GPNMB: variants seen among roughly 807,000 people sequenced by gnomAD.
The protein encoded by GPNMB is glycoprotein nmb.
A neutral mutation model predicts 57.3 loss-of-function variants in GPNMB; 71 were observed. The observed-to-expected ratio is 1.24, with a 90% CI of 1.02 to 1.51. GPNMB has a LOEUF of 1.51. GPNMB is among the 40% of genes most tolerant of loss of function. GPNMB has a pLI of 0.00. For missense variants in GPNMB, 677 were observed against 691.9 expected (o/e 0.98, Z 0.24); for synonymous variants, 253 against 263.2 (o/e 0.96, Z 0.38).
chr7:23,268,819 G>A (rs1044152632), intron 8 of GPNMB, among the ~76,000 whole-genome samples: 3 of 152,118 alleles, frequency 2.0e-5, no homozygotes, highest in Admixed American at 1.3e-4. Context: ...AAGCTGCTGC[G>A]AGAGGCCTGG....
chr7:23,273,260 G>A, intron 9 of GPNMB: 1 of 387,874 alleles, frequency 2.6e-6, no homozygotes, highest in South Asian at 4.2e-5. Context: ...GGTCACCCAA[G>A]ACCTGAGCAG....
At chr7:23,252,416 AT>A (rs1029427691) in intron 1 of GPNMB, among the ~76,000 whole-genome samples, 2 of 152,250 alleles carry the variant, frequency 1.3e-5, no homozygotes, top group African/African-American at 4.8e-5. Flanking sequence ...CAATCTGAAC[AT>A]TTTTTAAAGT....
intron 1 of GPNMB, 170 bp downstream of exon 1, chr7:23,247,097 A>G (rs1782549037): frequency 1.6e-6 from 1 of 631,552 alleles, no homozygotes; most frequent in Admixed American, 2.4e-5. Context: ...AAACTACAGC[A>G]AAATGCCTCC....
At chr7:23,264,654 G>A (rs1030046712) in intron 6 of GPNMB, among the ~76,000 whole-genome samples, 2 of 152,168 alleles carry the variant, frequency 1.3e-5, no homozygotes, top group African/African-American at 4.8e-5. Flanking sequence ...TGGGATTACA[G>A]GTGTGAGCCA....
intron 7 of GPNMB, 124 bp from the exon 8 acceptor site, chr7:23,267,762 T>C: frequency 1.4e-6 from 1 of 731,774 alleles, no homozygotes; most frequent in South Asian, 1.6e-5. Flanking sequence ...GCTATCACCT[T>C]GGGGGTTTCA....
At chr7:23,269,435 A>G (rs1425555477) in intron 8 of GPNMB, among the ~76,000 whole-genome samples, 3 of 152,216 alleles carry the variant, frequency 2.0e-5, no homozygotes, top group Admixed American at 6.5e-5. Context: ...AAGCAAGATC[A>G]TGTCATATAT....
Position 23,246,890 on chromosome 7 carries a change from G to A in GPNMB, c.33G>A (p.Leu11=), listed in dbSNP as rs115100573. The part of the protein sequence containing the change: MECLYYFLGF[L]LLAARLPLDA... Reference sequence around the variant, plus strand: ...GTCTCTACTATTTCCTGGGATTTCTGCTCCTGGCTGCAAGATTGCCACTTG... The same window carrying A: ...GTCTCTACTATTTCCTGGGATTTCTACTCCTGGCTGCAAGATTGCCACTTG... Residue 11 remains leucine, a synonymous_variant, in exon 1 of 11, where the codon CTG becomes CTA. Coordinates refer to ENST00000258733, the MANE Select transcript of GPNMB (RefSeq NM_002510.3). 1,065 of 1,613,964 alleles carry A rather than the reference G, an allele frequency of 6.6e-4. 6 individuals carry two copies. In the African/African-American group the frequency reaches 0.012, roughly 18 times the overall value.
Position 23,257,065 on chromosome 7 carries a change from G to C in GPNMB, c.541G>C (p.Gly181Arg), listed in dbSNP as rs949573834. Residue 181 changes from glycine to arginine, a missense_variant and splice_region_variant, in exon 4 of 11, where the codon GGT becomes CGT. Transcript: ENST00000258733. Reference protein sequence around the residue: ...WNFIYVFHTLGQYFQKLGRCS... With the variant: ...WNFIYVFHTLRQYFQKLGRCS... ...TTTCATCTACGTCTTCCACACACTT[G>C]GTTGGCTTTTACAAACCCCTAAGCT... The C allele has an allele frequency of 1.2e-6, 2 of 1,613,776 alleles. No individual in the cohort carries two copies. The highest frequency in any genetic ancestry group is 1.7e-6 in the Non-Finnish European group (2 of 1,179,660).
At position 23,260,508 on chromosome 7, in the gene GPNMB, C is replaced by T. The variant is rs150305129; in HGVS notation, c.753C>T (p.Ser251=). The change falls in exon 6 of 11, where the codon TCC becomes TCT. Residue 251 remains serine (S), a synonymous_variant. Transcript: ENST00000258733. The stretch of plus-strand genomic sequence containing the variant: ...TCCAGAAGAACGATCGAAATTCATC[C>T]GACGAAACCTTCCTCAAAGATCTCC... ...TMFQKNDRNS[S]DETFLKDLPI... is the part of the protein sequence containing the mutation. The T allele has an allele frequency of 1.2e-4, 197 of 1,613,548 alleles. No homozygotes were observed. The African/African-American group carries it at 1.5e-3, about 12-fold the overall frequency.
intron 1 of GPNMB, chr7:23,247,132 A>T: frequency 1.7e-6 from 1 of 581,700 alleles, no homozygotes; most frequent in Non-Finnish European, 3.1e-6. Context: ...CTTTCGGCTC[A>T]TGGAAAGTAA....
At chr7:23,268,843 G>T (rs540434377) in intron 8 of GPNMB, among the ~76,000 whole-genome samples, 1 of 152,216 alleles carries the variant, frequency 6.6e-6, no homozygotes, top group East Asian at 1.9e-4. Context: ...GTGAGAAGGG[G>T]GACTGTCCCC....
At chr7:23,260,242 A>C (rs1782884006) in intron 5 of GPNMB, 104 bp downstream of exon 5, 2 of 1,222,678 alleles carry the variant, frequency 1.6e-6, no homozygotes, top group Non-Finnish European at 2.4e-6. Context: ...GTTACAATGC[A>C]TCTGGCCCAC....
At position 23,246,784 on chromosome 7, in the gene GPNMB, C is replaced by T. The variant is rs1456071880; in HGVS notation, c.-74C>T. On this transcript the variant is annotated 5_prime_UTR_variant, in exon 1 of 11. Coordinates refer to ENST00000258733, the MANE Select transcript of GPNMB (RefSeq NM_002510.3). Reference sequence around the variant, plus strand: ...AGGCACCACAGATGCCAGAAGAACACTGTTGCTCTTGGTGGACGGGCCCAG... The same window carrying T: ...AGGCACCACAGATGCCAGAAGAACATTGTTGCTCTTGGTGGACGGGCCCAG... The T allele has an allele frequency of 4.7e-6, 5 of 1,063,592 alleles. No individual in the cohort carries two copies. Among genetic ancestry groups the T allele is most frequent in the Non-Finnish European group, 7.4e-6 (5 of 678,404 alleles). The allele number at this position is 1,063,592 out of a possible 1,614,324, so 65.9% of individuals were successfully genotyped here.
chr7:23,271,794 TCAAA>T (rs567208085), intron 9 of GPNMB, among the ~76,000 whole-genome samples: 74 of 151,900 alleles, frequency 4.9e-4, no homozygotes, highest in South Asian at 1.2e-3. Flanking sequence ...AGACTCCATC[TCAAA>T]CAAACAAACA....
Position 23,264,096 on chromosome 7 carries a change from GAAA to G in GPNMB, c.1019-2407_1019-2405del, listed in dbSNP as rs35143635. On this transcript the variant is annotated intron_variant, in intron 6 of 10. Coordinates refer to ENST00000258733, the MANE Select transcript of GPNMB (RefSeq NM_002510.3). ...GTTTTTCAGACTTGTGAACAAATCT[GAAA>G]AAAAAAAAAAAAACCTTTTGTAAGA... Among the ~76,000 whole-genome samples, 3 of 109,684 alleles carry G rather than the reference GAAA, an allele frequency of 2.7e-5. No individual in the cohort carries two copies. The East Asian group carries it at 8.6e-4, about 31-fold the overall frequency. 72.0% of individuals were successfully genotyped at this position (109,684 alleles called of 152,430 possible).
Position 23,253,293 on chromosome 7 carries a change from GA to G in GPNMB, c.71-12del. On this transcript the variant is annotated splice_polypyrimidine_tract_variant and intron_variant, in intron 1 of 10. Transcript: ENST00000258733. ...CTAAATGAAGAATGGAATTTGTTTCGAATATTGATACAGGATTTCATGATGT... is the reference window on the plus strand; with the variant it reads ...CTAAATGAAGAATGGAATTTGTTTCGATATTGATACAGGATTTCATGATGT... 1 of 1,607,436 alleles carries G rather than the reference GA, an allele frequency of 6.2e-7. No homozygotes were observed. Among genetic ancestry groups the G allele is most frequent in the Non-Finnish European group, 8.5e-7 (1 of 1,176,680 alleles).
At position 23,253,542 on chromosome 7, in the gene GPNMB, G is replaced by A. The variant is rs1334860991; in HGVS notation, c.223+83G>A. Reference sequence around the variant, plus strand: ...GATGGTAAAGCCTTTTAGATCACACGGCTCACGTCATTTCCACGAATGACA... The same window carrying A: ...GATGGTAAAGCCTTTTAGATCACACAGCTCACGTCATTTCCACGAATGACA... On this transcript the variant is annotated intron_variant, in intron 2 of 10. Transcript: ENST00000258733. 2.8e-5 allele frequency: 32 copies of A among 1,154,832 alleles called. No individual in the cohort carries two copies. The South Asian group carries it at 3.1e-4, about 11-fold the overall frequency. The allele number at this position is 1,154,832 out of a possible 1,614,324, so 71.5% of individuals were successfully genotyped here.
Position 23,266,590 on chromosome 7 carries a change from C to T in GPNMB, c.1092C>T (p.His364=). The change falls in exon 7 of 11, where the codon CAC becomes CAT. Residue 364 remains histidine, a synonymous_variant. Transcript: ENST00000258733. ...DENCQINRYG[H]FQATITIVEG... ...ACTGCCAGATTAACAGATATGGCCA[C>T]TTTCAAGCCACCATCACAATTGTAG... is the stretch of plus-strand genomic sequence containing the variant. The T allele has an allele frequency of 6.2e-7, 1 of 1,613,970 alleles. No individual in the cohort carries two copies. Among genetic ancestry groups the T allele is most frequent in the Non-Finnish European group, 8.5e-7 (1 of 1,179,910 alleles).
chr7:23,272,905 G>T (rs1171054911), intron 9 of GPNMB, among the ~76,000 whole-genome samples: 2 of 151,178 alleles, frequency 1.3e-5, no homozygotes, highest in Non-Finnish European at 2.9e-5. Flanking sequence ...GTGCAGTAGG[G>T]TAATCATGGC....
Sources: gnomAD v4.1 joint callset for allele counts (sites outside exome capture counted in the v4.1 genomes callset) on GRCh38, gnomAD v4.1.1 for gene constraint, MANE v1.5 for transcripts, NCBI Gene and HGNC (gene_info 2026-07-23, HGNC 2026-07-21) for gene names.